Variants in CYTH3 observed in about 807,000 individuals in gnomAD.
CYTH3 encodes cytohesin 3.
Under a neutral mutation model 55.1 loss-of-function variants are expected in CYTH3, and 23 were observed. The observed-to-expected ratio is 0.42, with a 90% CI of 0.30 to 0.59. The LOEUF (loss-of-function observed/expected upper bound fraction) is 0.59, where lower values mean the gene tolerates loss of function less well. Among genes scored for constraint, CYTH3 ranks in the 20% least tolerant of loss-of-function variants. CYTH3 has a pLI of 0.20. For missense variants in CYTH3, 413 were observed against 524.8 expected (o/e 0.79, Z 2.08); for synonymous variants, 249 against 194.9 (o/e 1.28, Z -2.31).
At chr7:6,208,848 G>A (rs1784260049) in intron 1 of CYTH3, among the ~76,000 whole-genome samples, 1 of 152,166 alleles carries the variant, frequency 6.6e-6, no homozygotes, top group Non-Finnish European at 1.5e-5. Context: ...TTCTGTAGCA[G>A]TTTTTTATAA....
intron 1 of CYTH3, among the ~76,000 whole-genome samples, chr7:6,194,694 T>C (rs1322486100): frequency 5.3e-5 from 8 of 150,458 alleles, no homozygotes; most frequent in African/African-American, 1.7e-4. Context: ...AAAAAGTAAA[T>C]AGGCCGGGCA....
chr7:6,200,766 G>T (rs763029332), intron 1 of CYTH3, among the ~76,000 whole-genome samples: 4 of 152,096 alleles, frequency 2.6e-5, no homozygotes, highest in African/African-American at 4.8e-5. Context: ...ATTTAAACTG[G>T]TTATTTTGAG....
chr7:6,177,808 C>A lies in CYTH3; in HGVS notation c.368+15G>T. The A allele has an allele frequency of 6.3e-7, 1 of 1,597,220 alleles. No homozygotes were observed. On this transcript the variant is annotated intron_variant, in intron 5 of 12. Coordinates refer to ENST00000350796, the MANE Select transcript of CYTH3 (RefSeq NM_004227.4). ...AGTGGCCCCAGGTAGGGCTTTGCAT[C>A]CTCCTCTAACTCACCTTTCACCCAG... is the stretch of plus-strand genomic sequence containing the variant.
At chr7:6,257,384 T>C (rs575902201) in intron 1 of CYTH3, among the ~76,000 whole-genome samples, 2 of 152,224 alleles carry the variant, frequency 1.3e-5, no homozygotes, top group Admixed American at 6.5e-5. Context: ...GAAAAGGACA[T>C]TCTTGATTAT....
intron 1 of CYTH3, among the ~76,000 whole-genome samples, chr7:6,263,937 G>A (rs992240139): frequency 1.3e-5 from 2 of 151,710 alleles, no homozygotes; most frequent in African/African-American, 4.8e-5. Flanking sequence ...TGTGATCTCG[G>A]CTTTATAATC....
At chr7:6,176,232 C>T in intron 5 of CYTH3, among the ~76,000 whole-genome samples, 1 of 140,592 alleles carries the variant, frequency 7.1e-6, no homozygotes, top group Admixed American at 7.1e-5. Flanking sequence ...TTACTCATTG[C>T]TATTGTATAG....
Position 6,237,018 on chromosome 7 carries a change from T to C in CYTH3, c.34+35456A>G, listed in dbSNP as rs887460979. Among the ~76,000 whole-genome samples, 5 of 152,344 alleles carry C rather than the reference T, an allele frequency of 3.3e-5. No individual in the cohort carries two copies. The East Asian group carries it at 5.8e-4, about 18-fold the overall frequency. On this transcript the variant is annotated intron_variant, in intron 1 of 12. Coordinates refer to ENST00000350796, the MANE Select transcript of CYTH3 (RefSeq NM_004227.4). The stretch of plus-strand genomic sequence containing the variant: ...CGAGTTTTGGTGAAATGCATTTCTT[T>C]TCACAACGGCTCACAGAAGGCTCAT...
chr7:6,169,303 C>T lies in CYTH3; in HGVS notation c.823+1232G>A, dbSNP rs938669658. 2.6e-5 allele frequency among the ~76,000 whole-genome samples: 4 copies of T among 152,174 alleles called. No individual in the cohort carries two copies. The highest frequency in any genetic ancestry group is 5.9e-5 in the Non-Finnish European group (4 of 68,032). The stretch of plus-strand genomic sequence containing the variant: ...TGGCACAGTCATGGTTCATTGGAGC[C>T]TCAACCTCCTGGGCTCAGGCCATCC... On this transcript the variant is annotated intron_variant, in intron 9 of 12. Transcript: ENST00000350796. The surrounding 1 kb of genome is among the most constrained non-coding windows in gnomAD (Gnocchi z 4.1).
At chr7:6,240,702 T>C (rs1458231251) in intron 1 of CYTH3, among the ~76,000 whole-genome samples, 1 of 152,074 alleles carries the variant, frequency 6.6e-6, no homozygotes, top group East Asian at 1.9e-4. Context: ...AATTCAAAGA[T>C]TTAAATGTAG....
At chr7:6,253,810 T>C (rs889757511) in intron 1 of CYTH3, among the ~76,000 whole-genome samples, 1 of 150,916 alleles carries the variant, frequency 6.6e-6, no homozygotes, top group African/African-American at 2.4e-5. Flanking sequence ...AGTGAGATGC[T>C]GTCTCAAAAA....
rs532773141 is a variant in CYTH3 at position 6,269,233 on chromosome 7, G to A, written c.34+3241C>T. Among the ~76,000 whole-genome samples, 7 of 152,234 alleles carry A rather than the reference G, an allele frequency of 4.6e-5. No homozygotes were observed. The South Asian group carries it at 1.5e-3, about 32-fold the overall frequency. On this transcript the variant is annotated intron_variant, in intron 1 of 12. Coordinates refer to ENST00000350796, the MANE Select transcript of CYTH3 (RefSeq NM_004227.4). ...CAGGACATGGGCTGACCCTGCCTGT[G>A]GCTACTTTACACTCTTACCCGTAAA...
chr7:6,185,506 C>T (rs1180504169), intron 4 of CYTH3, among the ~76,000 whole-genome samples: 4 of 151,988 alleles, frequency 2.6e-5, no homozygotes, highest in African/African-American at 9.7e-5. Flanking sequence ...ACCATCCTAG[C>T]TAACACAGTG....
intron 1 of CYTH3, among the ~76,000 whole-genome samples, chr7:6,233,225 A>G (rs543947826): frequency 2.0e-3 from 311 of 152,296 alleles, no homozygotes; most frequent in African/African-American, 7.0e-3. Flanking sequence ...GACTGCAGAT[A>G]TATCAGTGTG....
At position 6,198,642 on chromosome 7, in the gene CYTH3, G is replaced by C. The variant is rs186370768; in HGVS notation, c.35-8111C>G. Among the ~76,000 whole-genome samples, 602 of 151,506 alleles carry C rather than the reference G, an allele frequency of 4.0e-3. 4 individuals are homozygous for C. The highest frequency in any genetic ancestry group is 0.014 in the African/African-American group (565 of 40,934). The stretch of plus-strand genomic sequence containing the variant: ...AGGTAAGAAGAAACAAAGGTCAAGT[G>C]GTTTTTTCCTCCCAAGAAATCTAGC... On this transcript the variant is annotated intron_variant, in intron 1 of 12. Transcript: ENST00000350796.
intron 1 of CYTH3, among the ~76,000 whole-genome samples, chr7:6,239,538 A>G (rs1322760571): frequency 6.6e-6 from 1 of 152,238 alleles, no homozygotes; most frequent in African/African-American, 2.4e-5. Context: ...TGGACAAGAG[A>G]CTAAAATCAG....
At chr7:6,271,286 C>A (rs1028464757) in intron 1 of CYTH3, among the ~76,000 whole-genome samples, 1 of 152,202 alleles carries the variant, frequency 6.6e-6, no homozygotes, top group Non-Finnish European at 1.5e-5. Flanking sequence ...AGCAAAAAAA[C>A]ATCTCCCTCT....
intron 1 of CYTH3, among the ~76,000 whole-genome samples, chr7:6,190,758 A>G (rs1050673566): frequency 6.6e-6 from 1 of 152,188 alleles, no homozygotes; most frequent in Admixed American, 6.5e-5. Flanking sequence ...CGGTACATTC[A>G]TAAAATAGAA....
chr7:6,209,590 C>T lies in CYTH3; in HGVS notation c.35-19059G>A, dbSNP rs547015616. Among the ~76,000 whole-genome samples, 6 of 152,266 alleles carry T rather than the reference C, an allele frequency of 3.9e-5. No individual in the cohort carries two copies. In the South Asian group the frequency reaches 1.0e-3, roughly 26 times the overall value. On this transcript the variant is annotated intron_variant, in intron 1 of 12. Coordinates refer to ENST00000350796, the MANE Select transcript of CYTH3 (RefSeq NM_004227.4). Reference sequence around the variant, plus strand: ...CTCCAAGCTCAACAGCCTTACAATACGATCCAGCAACTGCCCTCCTTGGAA... The same window carrying T: ...CTCCAAGCTCAACAGCCTTACAATATGATCCAGCAACTGCCCTCCTTGGAA...
intron 1 of CYTH3, among the ~76,000 whole-genome samples, chr7:6,228,251 C>A (rs147310528): frequency 6.6e-6 from 1 of 152,298 alleles, no homozygotes; most frequent in Non-Finnish European, 1.5e-5. Context: ...ACAGCACATT[C>A]ATAACAGAAA....
Sources: allele counts gnomAD v4.1 joint callset (sites outside exome capture counted in the v4.1 genomes callset), GRCh38; gene constraint gnomAD v4.1.1; non-coding constraint Gnocchi (gnomAD v3.1); transcripts MANE v1.5; gene names NCBI Gene and HGNC (gene_info 2026-07-23, HGNC 2026-07-21).